The following DENND3 variants were observed in gnomAD, a reference collection of about 807,000 sequenced individuals.
DENND3 encodes the protein DENN domain-containing protein 3.
DENND3 carries 88 observed loss-of-function variants against 135.1 expected under a neutral mutation model. The observed-to-expected ratio is 0.65, with a 90% CI of 0.55 to 0.78. The LOEUF is 0.78. Ranked by LOEUF, DENND3 falls within the 30% of genes least tolerant of loss-of-function variation. The pLI is 0.00. For missense variants in DENND3, 1,392 were observed against 1,688.4 expected (o/e 0.82, Z 3.08); for synonymous variants, 693 against 712.3 (o/e 0.97, Z 0.43).
chr8:141,143,305 G>C (rs1387261436), intron 4 of DENND3, among the ~76,000 whole-genome samples: 1 of 152,136 alleles, frequency 6.6e-6, no homozygotes, highest in Non-Finnish European at 1.5e-5. Flanking sequence ...AAGTTCTAGG[G>C]TACATGTGCA....
chr8:141,142,560 C>T (rs1817595145), intron 4 of DENND3: 1 of 349,132 alleles, frequency 2.9e-6, no homozygotes, highest in Non-Finnish European at 5.6e-6. Context: ...TAGTTTGGGT[C>T]TAGCCTACAT....
chr8:141,152,283 A>G (rs954386299), intron 7 of DENND3, among the ~76,000 whole-genome samples: 2 of 152,226 alleles, frequency 1.3e-5, no homozygotes, highest in African/African-American at 4.8e-5. Flanking sequence ...ACATACCTCA[A>G]AGTTTACCCA....
chr8:141,190,581 G>A (rs1282139793), intron 20 of DENND3, 164 bp downstream of exon 20: 10 of 1,099,354 alleles, frequency 9.1e-6, no homozygotes. Flanking sequence ...TACTCCACCT[G>A]CACTGCTGCT....
At position 141,151,696 on chromosome 8, in the gene DENND3, G is replaced by A; in HGVS notation, c.933G>A (p.Glu311=). ...SDWALLTLVT[E]CFMAYLYPLQ... ...GGGCTCTGCTGACGCTGGTCACTGA[G>A]TGCTTCATGGCCTACCTGTATCCGC... Residue 311 remains glutamate, a synonymous_variant, in exon 7 of 23, where the codon GAG becomes GAA. Transcript: ENST00000519811. 1.2e-6 allele frequency: 2 copies of A among 1,614,110 alleles called. No individual in the cohort carries two copies. Among genetic ancestry groups the A allele is most frequent in the Non-Finnish European group, 1.7e-6 (2 of 1,180,034 alleles).
intron 17 of DENND3, 140 bp from the exon 18 acceptor site, chr8:141,184,999 G>A (rs1230692855): frequency 1.8e-6 from 2 of 1,098,816 alleles, no homozygotes; most frequent in African/African-American, 3.1e-5. Context: ...CTCTGCCTGG[G>A]CACGTCTTTG....
Position 141,175,381 on chromosome 8 carries a change from C to T in DENND3, c.2457C>T (p.Ala819=), listed in dbSNP as rs775067337. ...VKTNLGVGKI[A]MTQKRLFLLT... is the part of the protein sequence containing the mutation. ...CAAACCTAGGCGTTGGCAAGATCGC[C>T]ATGACCCAGAAGCGCCTGTTCCTCC... Residue 819 remains alanine (A), a synonymous_variant, in exon 14 of 23, where the codon GCC becomes GCT. Transcript: ENST00000519811. This position sits in a 1 kb window ranked among gnomAD's most constrained non-coding sequence, Gnocchi z 5.4. 6.2e-7 allele frequency: 1 copy of T among 1,614,186 alleles called. No individual in the cohort carries two copies. The highest frequency in any genetic ancestry group is 1.7e-5 in the Admixed American group (1 of 60,028).
At position 141,167,152 on chromosome 8, in the gene DENND3, G is replaced by A. The variant is rs372758; in HGVS notation, c.1753+763G>A. Among the ~76,000 whole-genome samples, 14,097 of 152,176 alleles carry A rather than the reference G, an allele frequency of 0.093. 1,070 individuals carry two copies. Among genetic ancestry groups the A allele is most frequent in the African/African-American group, 0.21 (8,506 of 41,480 alleles). On this transcript the variant is annotated intron_variant, in intron 12 of 22. Transcript: ENST00000519811. The surrounding 1 kb of genome is among the most constrained non-coding windows in gnomAD (Gnocchi z 4.1). ...AATGACAGACCACGTTGTCTTTATC[G>A]GCTGAGCGCTGGAGCTCAGAGCGAA...
Position 141,160,786 on chromosome 8 carries a change from A to G in DENND3, c.1351A>G (p.Arg451Gly). 1.2e-6 allele frequency: 2 copies of G among 1,606,190 alleles called. No individual in the cohort carries two copies. The highest frequency in any genetic ancestry group is 1.1e-5 in the South Asian group (1 of 90,874). The change falls in exon 9 of 23, where the codon AGG becomes GGG. Residue 451 changes from arginine (R) to glycine (G), a missense_variant and splice_region_variant. Transcript: ENST00000519811. ...TTLQLLVSIF[R>G]DVKNHLNYEH... Reference sequence around the variant, plus strand: ...CCTGCAGCTGCTCGTGAGCATCTTCAGGTACGTGAGAGAACATTCCCAGTG... The same window carrying G: ...CCTGCAGCTGCTCGTGAGCATCTTCGGGTACGTGAGAGAACATTCCCAGTG...
intron 15 of DENND3, chr8:141,177,265 T>C (rs1325739734): frequency 6.4e-6 from 1 of 155,532 alleles, no homozygotes; most frequent in Non-Finnish European, 1.4e-5. Flanking sequence ...GCTTTGATGA[T>C]ATCAAATGAC....
At chr8:141,145,836 TATATA>T (rs1818025968) in intron 5 of DENND3, among the ~76,000 whole-genome samples, 1 of 82,244 alleles carries the variant, frequency 1.2e-5, no homozygotes, top group African/African-American at 9.0e-5. Context: ...TATATATATA[TATATA>T]TATATATATG....
chr8:141,160,001 C>A (rs1375399227), intron 8 of DENND3, among the ~76,000 whole-genome samples: 1 of 152,164 alleles, frequency 6.6e-6, no homozygotes, highest in Non-Finnish European at 1.5e-5. Flanking sequence ...CCATGAGTGA[C>A]CCGTCAAGAG....
Position 141,145,828 on chromosome 8 carries a change from TATATATATATATATA to T in DENND3, c.735+1570_735+1584del, listed in dbSNP as rs1323659897. ...TTATATATATATATATATATATATATATATATATATATATATATATATGTATTTTTTTTTTTTTGA... is the reference window on the plus strand; with the variant it reads ...TTATATATATATATATATATATATATTATATATGTATTTTTTTTTTTTTGA... On this transcript the variant is annotated intron_variant, in intron 5 of 22. Transcript: ENST00000519811. Among the ~76,000 whole-genome samples, 40 of 90,706 alleles carry T rather than the reference TATATATATATATATA, an allele frequency of 4.4e-4. 2 individuals are homozygous for T. The highest frequency in any genetic ancestry group is 2.4e-3 in the African/African-American group (38 of 15,700). 59.5% of individuals were successfully genotyped at this position (90,706 alleles called of 152,430 possible). A position where few individuals can be genotyped will look rare whatever the true frequency, so the allele number is the denominator to read the frequency against.
chr8:141,133,469 G>A (rs748904973), intron 1 of DENND3, among the ~76,000 whole-genome samples: 11 of 152,188 alleles, frequency 7.2e-5, no homozygotes, highest in Non-Finnish European at 1.5e-4. Context: ...AGACAGGGAC[G>A]TCCCTCGTTG....
At position 141,137,923 on chromosome 8, in the gene DENND3, T is replaced by C; in HGVS notation, c.386-99T>C. ...ACATGAAGGCACCACCACTGCTAAC[T>C]GTGGAGGTGTGTCCTAAACACTGTG... On this transcript the variant is annotated intron_variant, in intron 2 of 22. Coordinates refer to ENST00000519811, the MANE Select transcript of DENND3 (RefSeq NM_001352890.3). The surrounding 1 kb of genome is among the most constrained non-coding windows in gnomAD (Gnocchi z 4.1). 8.3e-7 allele frequency: 1 copy of C among 1,198,948 alleles called. No homozygotes were observed. The highest frequency in any genetic ancestry group is 1.2e-6 in the Non-Finnish European group (1 of 845,896). 74.3% of individuals were successfully genotyped at this position (1,198,948 alleles called of 1,614,324 possible). A position where few individuals can be genotyped will look rare whatever the true frequency, so the allele number is the denominator to read the frequency against.
At chr8:141,147,180 C>G (rs1818254722) in intron 5 of DENND3, among the ~76,000 whole-genome samples, 1 of 152,182 alleles carries the variant, frequency 6.6e-6, no homozygotes. Flanking sequence ...CCAGTTTGCC[C>G]ATTTCCTTGC....
intron 17 of DENND3, among the ~76,000 whole-genome samples, chr8:141,183,739 T>G (rs1177542048): frequency 2.1e-5 from 3 of 143,304 alleles, no homozygotes; most frequent in East Asian, 1.9e-4. Flanking sequence ...TTGTTTTGTT[T>G]TTTTTTTTTT....
intron 9 of DENND3, among the ~76,000 whole-genome samples, chr8:141,163,073 T>C (rs544701038): frequency 1.3e-5 from 2 of 152,300 alleles, no homozygotes; most frequent in African/African-American, 2.4e-5. Context: ...TGTGTCTTAA[T>C]TTGCATAAGG....
At chr8:141,131,711 C>G (rs1199649489) in intron 1 of DENND3, among the ~76,000 whole-genome samples, 1 of 152,216 alleles carries the variant, frequency 6.6e-6, no homozygotes, top group African/African-American at 2.4e-5. Flanking sequence ...AGAAATTAAC[C>G]TGTGACTCAA....
In DENND3 at chr8:141,168,128, C is replaced by T. The variant is rs1821044885; in HGVS notation, c.1878C>T (p.Cys626=). Residue 626 remains cysteine (C), a synonymous_variant, in exon 13 of 23, where the codon TGC becomes TGT. Transcript: ENST00000519811. This position sits in a 1 kb window ranked among gnomAD's most constrained non-coding sequence, Gnocchi z 6.2. ...HFVSMLSEAM[C]FLAPDNSLLL... Reference sequence around the variant, plus strand: ...TCTCCATGCTGAGCGAGGCCATGTGCTTTCTGGCCCCCGATAACTCTCTGC... The same window carrying T: ...TCTCCATGCTGAGCGAGGCCATGTGTTTTCTGGCCCCCGATAACTCTCTGC... 6.2e-7 allele frequency: 1 copy of T among 1,614,096 alleles called. No homozygotes were observed. The highest frequency in any genetic ancestry group is 1.3e-5 in the African/African-American group (1 of 74,936).
Sources: gnomAD v4.1 joint callset for allele counts (sites outside exome capture counted in the v4.1 genomes callset) on GRCh38, gnomAD v4.1.1 for gene constraint, Gnocchi (gnomAD v3.1) non-coding constraint, MANE v1.5 for transcripts, NCBI Gene and HGNC (gene_info 2026-07-23, HGNC 2026-07-21) for gene names.